The following SFSWAP variants were observed in gnomAD, a reference collection of about 807,000 sequenced individuals.
SFSWAP encodes the protein splicing factor SWAP.
A neutral mutation model predicts 100.7 loss-of-function variants in SFSWAP; 17 were observed. The ratio of observed to expected loss-of-function variants is 0.17; its 90% confidence interval spans 0.12 to 0.25. The LOEUF (loss-of-function observed/expected upper bound fraction) is 0.25, where lower values mean the gene tolerates loss of function less well. Among genes scored for constraint, SFSWAP ranks in the 10% least tolerant of loss-of-function variants. SFSWAP has a pLI of 1.00. For missense variants in SFSWAP, 1,005 were observed against 1,262.6 expected, an observed-to-expected ratio of 0.80 and a Z score of 3.09; for synonymous variants, 504 against 510.1, an observed-to-expected ratio of 0.99 and a Z score of 0.16.
chr12:131,784,000 A>T (rs1012224785), intron 14 of SFSWAP: 1 of 151,670 alleles, frequency 6.6e-6, no homozygotes, highest in Non-Finnish European at 1.5e-5. Context: ...AATAAATTGC[A>T]TAGCAAATCC....
chr12:131,715,271 G>A (rs565330289), intron 3 of SFSWAP, among the ~76,000 whole-genome samples: 3 of 152,172 alleles, frequency 2.0e-5, no homozygotes, highest in Non-Finnish European at 4.4e-5. Flanking sequence ...TCTTGAGGCA[G>A]TGAAAGAATA....
chr12:131,742,853 GAGA>G (rs943023587), intron 7 of SFSWAP, among the ~76,000 whole-genome samples: 1 of 152,290 alleles, frequency 6.6e-6, no homozygotes, highest in Admixed American at 6.5e-5. Flanking sequence ...GACTGAGGAG[GAGA>G]AGAAGAGGTT....
At chr12:131,755,899 C>T (rs984688370) in intron 10 of SFSWAP, among the ~76,000 whole-genome samples, 6 of 152,250 alleles carry the variant, frequency 3.9e-5, no homozygotes, top group Non-Finnish European at 7.3e-5. Flanking sequence ...GCAGCACGGC[C>T]TCTGCCTGTG....
At chr12:131,749,947 T>C (rs1451533450) in intron 7 of SFSWAP, among the ~76,000 whole-genome samples, 1 of 152,118 alleles carries the variant, frequency 6.6e-6, no homozygotes, top group Non-Finnish European at 1.5e-5. Context: ...GAGGTGGCAC[T>C]GGAGATAAGC....
At chr12:131,763,890 G>T (rs1247277312) in intron 11 of SFSWAP, among the ~76,000 whole-genome samples, 2 of 151,778 alleles carry the variant, frequency 1.3e-5, no homozygotes, top group South Asian at 2.1e-4. Context: ...ACTTTGGGAG[G>T]CCGAGGCAGG....
chr12:131,780,006 G>A (rs1442868129), intron 14 of SFSWAP, among the ~76,000 whole-genome samples: 2 of 152,050 alleles, frequency 1.3e-5, no homozygotes, highest in African/African-American at 2.4e-5. Context: ...GGCTGGTCTC[G>A]AACTCCTGAC....
intron 7 of SFSWAP, among the ~76,000 whole-genome samples, chr12:131,740,947 C>CT (rs1314682832): frequency 9.3e-5 from 8 of 85,978 alleles, no homozygotes; most frequent in African/African-American, 2.1e-4. Context: ...CTTTTCATTT[C>CT]TTTTTTTTTC....
rs752311099 is a variant in SFSWAP at position 131,727,061 on chromosome 12, C to T, written c.945+9C>T. On this transcript the variant is annotated intron_variant, in intron 6 of 17. Coordinates refer to ENST00000261674, the MANE Select transcript of SFSWAP (RefSeq NM_004592.4). Reference sequence around the variant, plus strand: ...TTGAAGAGCTGATGAAGGTTTTTATCTCATTGTTGAACTATATTTTTATGC... The same window carrying T: ...TTGAAGAGCTGATGAAGGTTTTTATTTCATTGTTGAACTATATTTTTATGC... The T allele has an allele frequency of 6.7e-7, 1 of 1,484,636 alleles. No individual in the cohort carries two copies. The highest frequency in any genetic ancestry group is 1.7e-5 in the Admixed American group (1 of 57,404). The allele number at this position is 1,484,636 out of a possible 1,614,324, so 92.0% of individuals were successfully genotyped here.
At chr12:131,721,152 A>G (rs187447511) in intron 4 of SFSWAP, among the ~76,000 whole-genome samples, 24 of 152,294 alleles carry the variant, frequency 1.6e-4, no homozygotes, top group Middle Eastern at 3.4e-3. Context: ...CGGGAGCAGC[A>G]CCGAGGAGAT....
chr12:131,766,138 C>G lies in SFSWAP; in HGVS notation c.1972C>G (p.Arg658Gly). ...TTAAGCAAAGCAAAAGCTGGAAGAT[C>G]GCCTCGCAGCTGCTGCCCGGGAAAA... ...AKQAKQKLED[R>G]LAAAAREKLA... Residue 658 changes from arginine to glycine, a missense_variant, in exon 13 of 18, where the codon CGC (arginine) becomes GGC (glycine). Coordinates refer to ENST00000261674, the MANE Select transcript of SFSWAP (RefSeq NM_004592.4). 6.2e-7 allele frequency: 1 copy of G among 1,611,174 alleles called. No individual in the cohort carries two copies. The highest frequency in any genetic ancestry group is 8.5e-7 in the Non-Finnish European group (1 of 1,179,078).
intron 7 of SFSWAP, among the ~76,000 whole-genome samples, chr12:131,752,076 C>T (rs570809681): frequency 5.2e-4 from 79 of 152,236 alleles, no homozygotes; most frequent in African/African-American, 1.8e-3. Context: ...TATGCTGCCT[C>T]GCCAATCTAA....
At chr12:131,728,500 C>T in intron 7 of SFSWAP, 72 bp downstream of exon 7, 1 of 1,513,870 alleles carries the variant, frequency 6.6e-7, no homozygotes, top group Admixed American at 1.7e-5. Flanking sequence ...GGGCTCTAAA[C>T]CCCAAGTGTT....
At chr12:131,719,024 A>ATT (rs1353393832) in intron 3 of SFSWAP, among the ~76,000 whole-genome samples, 1 of 152,034 alleles carries the variant, frequency 6.6e-6, no homozygotes, top group Non-Finnish European at 1.5e-5. Flanking sequence ...TTGTATGAGG[A>ATT]TTTTTTTCAG....
In SFSWAP at chr12:131,719,715, G is replaced by A. The variant is rs1593109366; in HGVS notation, c.606+176G>A. ...CCTATTTATTTTCCCCAAAGGAAAA[G>A]GGAAGAATTATAGCAAAAGAGCTAG... is the stretch of plus-strand genomic sequence containing the variant. On this transcript the variant is annotated intron_variant, in intron 4 of 17. Transcript: ENST00000261674. Among the ~76,000 whole-genome samples the A allele has an allele frequency of 2.0e-5, 3 of 152,286 alleles. No homozygotes were observed. The South Asian group carries it at 6.2e-4, about 32-fold the overall frequency.
rs142012955 is a variant in SFSWAP, at chr12:131,753,202, C to T, written c.1161C>T (p.Ile387=). ...TYCLAPPPPG[I]DVTTYYSTLP... The stretch of plus-strand genomic sequence containing the variant: ...GCCTGGCGCCGCCCCCTCCCGGAAT[C>T]GACGTGACTACTTACTACAGCACCC... The change falls in exon 8 of 18, where the codon ATC becomes ATT. Residue 387 remains isoleucine (I), a synonymous_variant. Coordinates refer to ENST00000261674, the MANE Select transcript of SFSWAP (RefSeq NM_004592.4). 5.8e-4 allele frequency: 935 copies of T among 1,614,194 alleles called. 2 individuals carry two copies. Among genetic ancestry groups the T allele is most frequent in the South Asian group, 1.4e-3 (130 of 91,092 alleles).
At chr12:131,795,478 C>T (rs1885567987) in intron 15 of SFSWAP, among the ~76,000 whole-genome samples, 2 of 152,212 alleles carry the variant, frequency 1.3e-5, no homozygotes, top group South Asian at 4.1e-4. Flanking sequence ...TTCTGCAGGG[C>T]CAGACACTGG....
intron 9 of SFSWAP, among the ~76,000 whole-genome samples, chr12:131,755,109 A>G (rs1882033665): frequency 6.6e-6 from 1 of 152,188 alleles, no homozygotes; most frequent in African/African-American, 2.4e-5. Flanking sequence ...AAATCTAGAC[A>G]CAAACCCTTC....
At chr12:131,761,057 G>A (rs1882635357) in intron 11 of SFSWAP, among the ~76,000 whole-genome samples, 1 of 152,178 alleles carries the variant, frequency 6.6e-6, no homozygotes, top group African/African-American at 2.4e-5. Context: ...GGGCGAAAGA[G>A]CGAAACTCCG....
Position 131,734,912 on chromosome 12 carries a change from G to A in SFSWAP, c.1081+6484G>A, listed in dbSNP as rs571228916. On this transcript the variant is annotated intron_variant, in intron 7 of 17. Coordinates refer to ENST00000261674, the MANE Select transcript of SFSWAP (RefSeq NM_004592.4). The surrounding 1 kb of genome is among the most constrained non-coding windows in gnomAD (Gnocchi z 4.9). Reference sequence around the variant, plus strand: ...AGCCGGCATGGCGCATGGGGGTGGGGTGGGGCAGTGAGGGGGGGCCCGCTC... The same window carrying A: ...AGCCGGCATGGCGCATGGGGGTGGGATGGGGCAGTGAGGGGGGGCCCGCTC... 2.0e-3 allele frequency among the ~76,000 whole-genome samples: 297 copies of A among 151,902 alleles called. 1 individual carries two copies. Among genetic ancestry groups the A allele is most frequent in the African/African-American group, 6.9e-3 (286 of 41,392 alleles).
Sources: allele counts gnomAD v4.1 joint callset (sites outside exome capture counted in the v4.1 genomes callset), GRCh38; gene constraint gnomAD v4.1.1; non-coding constraint Gnocchi (gnomAD v3.1); transcripts MANE v1.5; gene names NCBI Gene and HGNC (gene_info 2026-07-23, HGNC 2026-07-21).